GLRA3: variants seen among roughly 807,000 people sequenced by gnomAD.
GLRA3 encodes the protein glycine receptor subunit alpha-3.
In GLRA3, 44 loss-of-function variants were observed where a neutral mutation model predicts 60.4. The observed-to-expected ratio is 0.73, with a 90% confidence interval of 0.57 to 0.94. GLRA3 has a LOEUF of 0.94. Ranked by LOEUF, GLRA3 falls within the 40% of genes least tolerant of loss-of-function variation. The pLI is 0.00. For synonymous variants in GLRA3, 223 were observed against 192.9 expected (o/e 1.16, Z -1.29); for missense variants, 508 against 564.6 (o/e 0.90, Z 1.02).
chr4:174,781,122 C>T (rs1738850863), intron 2 of GLRA3, among the ~76,000 whole-genome samples: 1 of 152,034 alleles, frequency 6.6e-6, no homozygotes, highest in African/African-American at 2.4e-5. Flanking sequence ...ATCTCTCAGA[C>T]CACAGTGCAA....
chr4:174,721,676 G>T (rs1736134635), intron 4 of GLRA3, among the ~76,000 whole-genome samples: 2 of 125,220 alleles, frequency 1.6e-5, no homozygotes, highest in African/African-American at 3.0e-5. Flanking sequence ...TTTCTCTTAG[G>T]CAAATTAGTT....
intron 5 of GLRA3, among the ~76,000 whole-genome samples, chr4:174,709,132 T>A (rs1735619444): frequency 6.6e-6 from 1 of 152,064 alleles, no homozygotes; most frequent in African/African-American, 2.4e-5. Context: ...TTGCTAGCGC[T>A]TCAAACAGCT....
chr4:174,771,922 G>T (rs1454190889), intron 2 of GLRA3, among the ~76,000 whole-genome samples: 1 of 152,114 alleles, frequency 6.6e-6, no homozygotes, highest in Non-Finnish European at 1.5e-5. Flanking sequence ...AGGCTTCAAG[G>T]TTCTGAAGTT....
chr4:174,824,402 G>C (rs969845965), intron 1 of GLRA3, among the ~76,000 whole-genome samples: 4 of 152,224 alleles, frequency 2.6e-5, no homozygotes, highest in Middle Eastern at 3.4e-3. Context: ...AACCGATAGG[G>C]ATATTTTGAG....
chr4:174,811,973 A>G (rs1000331287), intron 1 of GLRA3, among the ~76,000 whole-genome samples: 1 of 152,204 alleles, frequency 6.6e-6, no homozygotes, highest in Non-Finnish European at 1.5e-5. Context: ...TTGGTAAAAT[A>G]CTTCCTAGAA....
chr4:174,660,414 C>A (rs893676502), intron 7 of GLRA3, among the ~76,000 whole-genome samples: 1 of 152,002 alleles, frequency 6.6e-6, no homozygotes, highest in African/African-American at 2.4e-5. Context: ...CTAAAGTTTG[C>A]CTGATATTTC....
At chr4:174,657,199 A>G (rs1181560257) in intron 8 of GLRA3, among the ~76,000 whole-genome samples, 2 of 152,150 alleles carry the variant, frequency 1.3e-5, no homozygotes, top group Admixed American at 1.3e-4. Flanking sequence ...ATAAAGAGGC[A>G]CTTTGGTAAA....
chr4:174,705,792 G>A (rs1579478323), intron 5 of GLRA3, among the ~76,000 whole-genome samples: 1 of 83,676 alleles, frequency 1.2e-5, no homozygotes, highest in South Asian at 3.9e-4. Context: ...TAACAAGTGA[G>A]AAATGAGAGA....
intron 3 of GLRA3, among the ~76,000 whole-genome samples, chr4:174,764,907 T>C (rs1026377919): frequency 3.9e-5 from 6 of 152,052 alleles, no homozygotes; most frequent in Non-Finnish European, 7.4e-5. Flanking sequence ...ATGATATATG[T>C]TTAGAAATTT....
Position 174,785,469 on chromosome 4 carries a change from CA to C in GLRA3, c.199+3346del, listed in dbSNP as rs568458069. 4.3e-4 allele frequency among the ~76,000 whole-genome samples: 65 copies of C among 151,954 alleles called. 1 individual carries two copies. The highest frequency in any genetic ancestry group is 7.9e-4 in the Non-Finnish European group (54 of 67,980). On this transcript the variant is annotated intron_variant, in intron 2 of 9. Coordinates refer to ENST00000274093, the MANE Select transcript of GLRA3 (RefSeq NM_006529.4). ...TTCTTATTTTTAAATATTTGAAAGG[CA>C]AAAATGTTATATTACTGTTATACAC... is the stretch of plus-strand genomic sequence containing the variant.
At chr4:174,698,082 A>G (rs1264057377) in intron 5 of GLRA3, among the ~76,000 whole-genome samples, 1 of 152,220 alleles carries the variant, frequency 6.6e-6, no homozygotes, top group East Asian at 1.9e-4. Flanking sequence ...ATCATAACCG[A>G]CACTGTGAGC....
At chr4:174,674,395 G>A (rs1019488247) in intron 7 of GLRA3, among the ~76,000 whole-genome samples, 1 of 152,164 alleles carries the variant, frequency 6.6e-6, no homozygotes, top group African/African-American at 2.4e-5. Flanking sequence ...AAATGTAAAA[G>A]AGTTCAAGTT....
Position 174,643,210 on chromosome 4 carries a change from T to A in GLRA3, c.*576A>T. ...ATATTCTAAACAATTAAATTTAGTA[T>A]TCCAAATCATTAAAGTCTTTTAATG... is the stretch of plus-strand genomic sequence containing the variant. On this transcript the variant is annotated 3_prime_UTR_variant, in exon 10 of 10. Coordinates refer to ENST00000274093, the MANE Select transcript of GLRA3 (RefSeq NM_006529.4). 1 of 753,014 alleles carries A rather than the reference T, an allele frequency of 1.3e-6. No homozygotes were observed. Among genetic ancestry groups the A allele is most frequent in the Non-Finnish European group, 1.6e-6 (1 of 618,796 alleles). The allele number at this position is 753,014 out of a possible 1,614,324, so 46.6% of individuals were successfully genotyped here.
intron 9 of GLRA3, among the ~76,000 whole-genome samples, chr4:174,654,742 A>G (rs1733136287): frequency 6.6e-6 from 1 of 152,004 alleles, no homozygotes; most frequent in Non-Finnish European, 1.5e-5. Context: ...GATATCATAC[A>G]TGGGAATAGC....
At chr4:174,744,955 C>T (rs993006372) in intron 3 of GLRA3, among the ~76,000 whole-genome samples, 2 of 152,132 alleles carry the variant, frequency 1.3e-5, no homozygotes, top group Non-Finnish European at 2.9e-5. Flanking sequence ...GGATAGCTAT[C>T]TTAGTGAAGA....
intron 1 of GLRA3, 140 bp downstream of exon 1, chr4:174,828,601 A>G (rs1325680584): frequency 1.6e-6 from 1 of 630,130 alleles, no homozygotes; most frequent in East Asian, 2.8e-5. Context: ...TAATTTAGAC[A>G]GAAAACAATA....
chr4:174,750,961 C>T (rs1579550214), intron 3 of GLRA3, among the ~76,000 whole-genome samples: 2 of 151,996 alleles, frequency 1.3e-5, no homozygotes, highest in African/African-American at 4.8e-5. Context: ...TTAAGAATGT[C>T]TCATGAAGAA....
At chr4:174,747,013 C>T (rs1055489824) in intron 3 of GLRA3, among the ~76,000 whole-genome samples, 1 of 152,192 alleles carries the variant, frequency 6.6e-6, no homozygotes, top group Non-Finnish European at 1.5e-5. Flanking sequence ...AGAATATGGG[C>T]TTGTCTGTGT....
intron 4 of GLRA3, among the ~76,000 whole-genome samples, chr4:174,718,212 T>C (rs1442916799): frequency 6.6e-6 from 1 of 152,156 alleles, no homozygotes; most frequent in African/African-American, 2.4e-5. Context: ...GTCAACTTGG[T>C]GGGTTTGATA....
Sources: allele counts gnomAD v4.1 joint callset (sites outside exome capture counted in the v4.1 genomes callset), GRCh38; gene constraint gnomAD v4.1.1; transcripts MANE v1.5; gene names NCBI Gene and HGNC (gene_info 2026-07-23, HGNC 2026-07-21).